Variants in ING3 observed in about 807,000 individuals in gnomAD.
ING3 encodes inhibitor of growth family member 3.
ING3 carries 6 observed loss-of-function variants against 64.8 expected under a neutral mutation model. That is an observed-to-expected ratio of 0.09 (90% CI 0.05 to 0.18). ING3 has a LOEUF of 0.18. Among genes scored for constraint, ING3 ranks in the 10% least tolerant of loss-of-function variants. The pLI, the probability that ING3 is intolerant of heterozygous loss-of-function variation, is 1.00. For synonymous variants in ING3, 170 were observed against 173.7 expected, an observed-to-expected ratio of 0.98 and a Z score of 0.17; for missense variants, 310 against 489.7, an observed-to-expected ratio of 0.63 and a Z score of 3.46.
Position 120,969,017 on chromosome 7 carries a change from G to C in ING3, c.721G>C (p.Glu241Gln). Residue 241 changes from glutamate to glutamine, a missense_variant, in exon 9 of 12, where the codon GAG (glutamate) becomes CAG (glutamine). By Grantham distance (29) the Glu-to-Gln change is conservative (BLOSUM62 2). Around this residue, in one of 3 missense-constraint regions of ING3, gnomAD observed 233 missense variants for 289.4 expected, o/e 0.81. Transcript: ENST00000315870. ...CAATGAATGTCTATTTAAGATGAAG[G>C]AGGGACGAAGAACATCAAGTTTAAA... ...QAVQATAQMK[E>Q]GRRTSSLKAS... The C allele has an allele frequency of 6.2e-7, 1 of 1,607,650 alleles. No individual in the cohort carries two copies. Among genetic ancestry groups the C allele is most frequent in the Non-Finnish European group, 8.5e-7 (1 of 1,175,396 alleles).
chr7:120,972,006 G>C (rs1051162283), intron 10 of ING3, among the ~76,000 whole-genome samples: 3 of 151,970 alleles, frequency 2.0e-5, no homozygotes, highest in Admixed American at 2.0e-4. Flanking sequence ...GACATTTTTT[G>C]ACCATTTTTG....
intron 4 of ING3, among the ~76,000 whole-genome samples, chr7:120,958,762 A>G (rs1795887418): frequency 1.3e-5 from 2 of 152,316 alleles, no homozygotes; most frequent in South Asian, 4.1e-4. Context: ...AAACATGCTC[A>G]GGTCTTCCTC....
intron 9 of ING3, among the ~76,000 whole-genome samples, chr7:120,970,080 C>T (rs931327868): frequency 1.3e-5 from 2 of 152,290 alleles, no homozygotes; most frequent in East Asian, 1.9e-4. Context: ...GGTATTCACA[C>T]ATCAGTTGAT....
At position 120,968,005 on chromosome 7, in the gene ING3, T is replaced by G; in HGVS notation, c.628T>G (p.Ser210Ala). 6.2e-7 allele frequency: 1 copy of G among 1,614,080 alleles called. No homozygotes were observed. Among genetic ancestry groups the G allele is most frequent in the Non-Finnish European group, 8.5e-7 (1 of 1,179,944 alleles). Residue 210 changes from serine (S) to alanine (A), a missense_variant, in exon 8 of 12, where the codon TCC (serine) becomes GCC (alanine). By Grantham distance (99) the Ser-to-Ala change is moderately conservative (BLOSUM62 1). Transcript: ENST00000315870. ...TGTGAATTCCTCCCAACCTCTGGGATCCTATAACATTGGCTCGTTATCTTC... is the reference window on the plus strand; with the variant it reads ...TGTGAATTCCTCCCAACCTCTGGGAGCCTATAACATTGGCTCGTTATCTTC... ...YNVNSSQPLG[S>A]YNIGSLSSGT...
chr7:120,957,645 G>A (rs571772239), intron 4 of ING3, among the ~76,000 whole-genome samples: 49 of 152,216 alleles, frequency 3.2e-4, no homozygotes, highest in Admixed American at 6.5e-4. Flanking sequence ...TTGTATTGAG[G>A]GGAAAGCATT....
rs1290953735 is a variant in ING3, at chr7:120,975,738, T to C, written c.*894T>C. The stretch of plus-strand genomic sequence containing the variant: ...TTCAACTTTCATAATCTAAAAAGAA[T>C]CAGAGACCCAGGACACAGAATACTG... On this transcript the variant is annotated 3_prime_UTR_variant, in exon 12 of 12. Transcript: ENST00000315870. 1 of 152,134 alleles carries C rather than the reference T, an allele frequency of 6.6e-6. No individual in the cohort carries two copies. The highest frequency in any genetic ancestry group is 2.4e-5 in the African/African-American group (1 of 41,418). The allele number at this position is 152,134 out of a possible 1,614,324, so 9.4% of individuals were successfully genotyped here. A position where few individuals can be genotyped will look rare whatever the true frequency, so the allele number is the denominator to read the frequency against.
chr7:120,955,613 A>G lies in ING3; in HGVS notation c.256A>G (p.Ile86Val). The part of the protein sequence containing the change: ...ADEKVQLANQ[I>V]YDLVDRHLRK... ...TGAGAAGGTTCAGTTGGCAAACCAGATATATGACTTGGTAAGTAAAAGTAA... is the reference window on the plus strand; with the variant it reads ...TGAGAAGGTTCAGTTGGCAAACCAGGTATATGACTTGGTAAGTAAAAGTAA... The change falls in exon 4 of 12, where the codon ATA becomes GTA. Residue 86 changes from isoleucine to valine, a missense_variant. Coordinates refer to ENST00000315870, the MANE Select transcript of ING3 (RefSeq NM_019071.3). 6.2e-7 allele frequency: 1 copy of G among 1,606,124 alleles called. No homozygotes were observed. Among genetic ancestry groups the G allele is most frequent in the Non-Finnish European group, 8.5e-7 (1 of 1,172,820 alleles).
chr7:120,960,744 G>A (rs1340233290), intron 4 of ING3, among the ~76,000 whole-genome samples: 2 of 152,046 alleles, frequency 1.3e-5, no homozygotes, highest in South Asian at 2.1e-4. Flanking sequence ...TTTAGTAGCC[G>A]TTTTAGTGAA....
rs1242959806 is a variant in ING3, at chr7:120,975,976, T to C, written c.*1132T>C. 6.6e-6 allele frequency: 1 copy of C among 152,090 alleles called. No homozygotes were observed. The highest frequency in any genetic ancestry group is 1.5e-5 in the Non-Finnish European group (1 of 68,004). 9.4% of individuals were successfully genotyped at this position (152,090 alleles called of 1,614,324 possible). Reference sequence around the variant, plus strand: ...TTTGACTGGAGGCAATGTAGCCAAATAGAGTAAAGAGACCCCCCTGGTCGG... The same window carrying C: ...TTTGACTGGAGGCAATGTAGCCAAACAGAGTAAAGAGACCCCCCTGGTCGG... On this transcript the variant is annotated 3_prime_UTR_variant, in exon 12 of 12. Transcript: ENST00000315870.
intron 3 of ING3, among the ~76,000 whole-genome samples, chr7:120,954,338 A>G (rs1479890738): frequency 6.6e-6 from 1 of 152,004 alleles, no homozygotes; most frequent in Non-Finnish European, 1.5e-5. Context: ...AGACAGGAGA[A>G]TCACTTGAAC....
rs766975352 is a variant in ING3 at position 120,967,568 on chromosome 7, A to T, written c.476A>T (p.Asp159Val). 6.3e-7 allele frequency: 1 copy of T among 1,592,278 alleles called. No homozygotes were observed. The highest frequency in any genetic ancestry group is 8.6e-7 in the Non-Finnish European group (1 of 1,161,756). ...YNPTSHHTTT[D>V]HIPEKKFKSE... is the part of the protein sequence containing the mutation. ...CCAACTTCTCACCATACGACAACAG[A>T]TCATATTCCTGAAAAGAAATTTAAA... Residue 159 changes from aspartate to valine, a missense_variant, in exon 7 of 12, where the codon GAT becomes GTT. This residue lies in a region of ING3 where 233 missense variants were observed against 289.4 expected (regional missense o/e 0.81). Transcript: ENST00000315870.
chr7:120,966,109 G>T (rs534847368), intron 5 of ING3, among the ~76,000 whole-genome samples: 2 of 152,228 alleles, frequency 1.3e-5, no homozygotes, highest in South Asian at 2.1e-4. Context: ...TTAAAGCTTG[G>T]TGTTAGAGAT....
rs74667976 is a variant in ING3 at position 120,955,849 on chromosome 7, C to T, written c.267+225C>T. 5,025 of 575,792 alleles carry T rather than the reference C, an allele frequency of 8.7e-3. 195 individuals are homozygous for T. Among genetic ancestry groups the T allele is most frequent in the African/African-American group, 0.085 (4,530 of 53,068 alleles). The allele number at this position is 575,792 out of a possible 1,614,324, so 35.7% of individuals were successfully genotyped here. A position where few individuals can be genotyped will look rare whatever the true frequency, so the allele number is the denominator to read the frequency against. ...AACTGTACATTTTAGCAAGTCTATA[C>T]GGCGGTAAGGTGGTTTCTGATGTTA... On this transcript the variant is annotated intron_variant, in intron 4 of 11. Coordinates refer to ENST00000315870, the MANE Select transcript of ING3 (RefSeq NM_019071.3).
At chr7:120,953,443 GGGACCC>G in intron 3 of ING3, 39 bp downstream of exon 3, 3 of 1,202,404 alleles carry the variant, frequency 2.5e-6, no homozygotes, top group Non-Finnish European at 3.7e-6. Flanking sequence ...AAGAAATATT[GGGACCC>G]TCTGAAAAAG....
chr7:120,968,582 C>T (rs553007329), intron 8 of ING3, among the ~76,000 whole-genome samples: 1 of 152,232 alleles, frequency 6.6e-6, no homozygotes, highest in South Asian at 2.1e-4. Context: ...TGGTGACTCA[C>T]ACCTGTAATC....
rs956892697 is a variant in ING3 at position 120,969,143 on chromosome 7, A to G, written c.847A>G (p.Thr283Ala). The part of the protein sequence containing the change: ...VGYSSSSALM[T>A]TLTQNASSSA... The stretch of plus-strand genomic sequence containing the variant: ...CTATTCATCATCTTCGGCACTTATG[A>G]CAACATTAACACAGAATGCCAGTTC... The change falls in exon 9 of 12, where the codon ACA becomes GCA. Residue 283 changes from threonine (T) to alanine (A), a missense_variant. Around this residue, in one of 3 missense-constraint regions of ING3, gnomAD observed 233 missense variants for 289.4 expected, o/e 0.81. Coordinates refer to ENST00000315870, the MANE Select transcript of ING3 (RefSeq NM_019071.3). 7.4e-6 allele frequency: 12 copies of G among 1,614,066 alleles called. No individual in the cohort carries two copies. Among genetic ancestry groups the G allele is most frequent in the Non-Finnish European group, 1.0e-5 (12 of 1,179,958 alleles).
intron 4 of ING3, among the ~76,000 whole-genome samples, chr7:120,962,370 C>T (rs1284563331): frequency 2.0e-5 from 3 of 151,504 alleles, no homozygotes; most frequent in Non-Finnish European, 4.4e-5. Flanking sequence ...GCTTTTCTGT[C>T]TTTGTTTATT....
chr7:120,963,001 C>T (rs1200558799), intron 4 of ING3, among the ~76,000 whole-genome samples: 1 of 152,048 alleles, frequency 6.6e-6, no homozygotes, highest in Non-Finnish European at 1.5e-5. Context: ...CACGTAATAG[C>T]TCAATATTTA....
rs767212561 is a variant in ING3, at chr7:120,966,723, T to C, written c.436+26T>C. 7 of 1,544,732 alleles carry C rather than the reference T, an allele frequency of 4.5e-6. No individual in the cohort carries two copies. The South Asian group carries it at 5.6e-5, about 12-fold the overall frequency. ...GTAAGTTTGGTGTAGTGCAGCTAAG[T>C]TTTAAAAACAATGAAAACCTTATTA... On this transcript the variant is annotated intron_variant, in intron 6 of 11. Transcript: ENST00000315870.
Sources: allele counts gnomAD v4.1 joint callset (sites outside exome capture counted in the v4.1 genomes callset), GRCh38; gene constraint gnomAD v4.1.1; regional missense constraint gnomAD v4.1.1; transcripts MANE v1.5; gene names NCBI Gene and HGNC (gene_info 2026-07-23, HGNC 2026-07-21).